CEP120: variants seen among roughly 807,000 people sequenced by gnomAD.
CEP120 encodes centrosomal protein of 120 kDa.
Under a neutral mutation model 126.5 loss-of-function variants are expected in CEP120, and 113 were observed. The ratio of observed to expected loss-of-function variants is 0.89; its 90% CI spans 0.77 to 1.04. The LOEUF (loss-of-function observed/expected upper bound fraction) is 1.04. Ranked by LOEUF, CEP120 falls within the 50% of genes least tolerant of loss-of-function variation. The pLI is 0.00. For synonymous variants in CEP120, 400 were observed against 394.3 expected, an observed-to-expected ratio of 1.01 and a Z score of -0.17; for missense variants, 1,230 against 1,155.7, an observed-to-expected ratio of 1.06 and a Z score of -0.93.
intron 18 of CEP120, among the ~76,000 whole-genome samples, chr5:123,362,918 T>A (rs993514911): frequency 6.6e-6 from 1 of 151,530 alleles, no homozygotes; most frequent in Non-Finnish European, 1.5e-5. Context: ...CTTCCCACCC[T>A]CCAAACAGCT....
intron 4 of CEP120, among the ~76,000 whole-genome samples, chr5:123,409,861 G>A (rs567083512): frequency 2.6e-5 from 4 of 151,822 alleles, no homozygotes; most frequent in African/African-American, 9.7e-5. Context: ...GGAGGCTGAG[G>A]CAGGAGAATC....
At chr5:123,394,914 G>C (rs916820686) in intron 5 of CEP120, among the ~76,000 whole-genome samples, 1 of 152,140 alleles carries the variant, frequency 6.6e-6, no homozygotes, top group South Asian at 2.1e-4. Context: ...CTGTGTGTAT[G>C]CACTTGTTTT....
At chr5:123,389,542 C>T (rs1772249187) in intron 8 of CEP120, among the ~76,000 whole-genome samples, 1 of 152,102 alleles carries the variant, frequency 6.6e-6, no homozygotes, top group Non-Finnish European at 1.5e-5. Context: ...CTCTTGTTGC[C>T]CAGGCTGGAG....
chr5:123,370,286 T>C (rs925125327), intron 17 of CEP120, among the ~76,000 whole-genome samples: 1 of 151,946 alleles, frequency 6.6e-6, no homozygotes, highest in Admixed American at 6.6e-5. Flanking sequence ...TATCTCAACA[T>C]AAGCTTTAAG....
At chr5:123,413,363 G>T (rs745609001) in intron 3 of CEP120, among the ~76,000 whole-genome samples, 1 of 151,976 alleles carries the variant, frequency 6.6e-6, no homozygotes, top group Non-Finnish European at 1.5e-5. Flanking sequence ...AAATACTAAA[G>T]TCAAGGCCTA....
At chr5:123,395,962 GT>G in intron 5 of CEP120, among the ~76,000 whole-genome samples, 1 of 148,600 alleles carries the variant, frequency 6.7e-6, no homozygotes, top group Middle Eastern at 3.5e-3. Context: ...GATTACAGAT[GT>G]GAGCCACTGA....
chr5:123,378,575 A>C (rs1771427433), intron 14 of CEP120, 147 bp from the exon 15 acceptor site: 2 of 486,502 alleles, frequency 4.1e-6, no homozygotes, highest in Admixed American at 4.1e-5. Flanking sequence ...AATTCAAAGA[A>C]AAAAATGTGC....
intron 5 of CEP120, among the ~76,000 whole-genome samples, chr5:123,394,395 G>C (rs748524175): frequency 2.6e-5 from 4 of 152,152 alleles, no homozygotes; most frequent in Non-Finnish European, 4.4e-5. Context: ...TAAGGAGCAC[G>C]CAACCTAGAT....
chr5:123,386,796 T>A, intron 9 of CEP120, 129 bp from the exon 10 acceptor site: 1 of 665,604 alleles, frequency 1.5e-6, no homozygotes, highest in Non-Finnish European at 2.2e-6. Context: ...AATAGAAACA[T>A]GGTAGACATA....
chr5:123,422,551 G>C, intron 1 of CEP120: 1 of 1,535,398 alleles, frequency 6.5e-7, no homozygotes, highest in Non-Finnish European at 8.7e-7. Context: ...ATTGCCTCCG[G>C]AACACTTCTG....
chr5:123,411,200 G>C (rs943255161), intron 4 of CEP120, among the ~76,000 whole-genome samples: 2 of 152,178 alleles, frequency 1.3e-5, no homozygotes, highest in South Asian at 4.1e-4. Context: ...TAAGAATATG[G>C]AGCAACAGAA....
At chr5:123,400,238 C>A (rs1204529890) in intron 4 of CEP120, among the ~76,000 whole-genome samples, 1 of 152,182 alleles carries the variant, frequency 6.6e-6, no homozygotes, top group Non-Finnish European at 1.5e-5. Flanking sequence ...AATCCCAGTT[C>A]TGTCCTTGAC....
In CEP120 at chr5:123,422,326, C is replaced by G. The variant is rs146908105; in HGVS notation, c.49+624G>C. On this transcript the variant is annotated intron_variant, in intron 1 of 19. Transcript: ENST00000306467. ...GTCATTCATTAGGGTCTTCCACATC[C>G]TGATGAATTATTTGCTGACACACTC... is the stretch of plus-strand genomic sequence containing the variant. 454 of 608,908 alleles carry G rather than the reference C, an allele frequency of 7.5e-4. 3 individuals are homozygous for G. In the East Asian group the frequency reaches 0.011, roughly 15 times the overall value. The allele number at this position is 608,908 out of a possible 1,614,324, so 37.7% of individuals were successfully genotyped here. A position where few individuals can be genotyped will look rare whatever the true frequency, so the allele number is the denominator to read the frequency against.
intron 4 of CEP120, chr5:123,401,157 T>C (rs1221251808): frequency 2.7e-5 from 44 of 1,609,770 alleles, no homozygotes; most frequent in Non-Finnish European, 3.6e-5. Flanking sequence ...CTCCTCGCCC[T>C]CCAGCAGCTT....
chr5:123,402,733 A>G (rs1773349243), intron 4 of CEP120, among the ~76,000 whole-genome samples: 1 of 152,240 alleles, frequency 6.6e-6, no homozygotes, highest in Non-Finnish European at 1.5e-5. Flanking sequence ...ATTGATAAAT[A>G]TAAGCAAAAT....
intron 3 of CEP120, among the ~76,000 whole-genome samples, chr5:123,412,837 T>C (rs1774150426): frequency 6.6e-6 from 1 of 152,222 alleles, no homozygotes; most frequent in Non-Finnish European, 1.5e-5. Context: ...TTTCGTCTTA[T>C]ACCCTCAATC....
intron 4 of CEP120, chr5:123,401,528 T>C (rs113524845): frequency 1.5e-6 from 2 of 1,295,188 alleles, no homozygotes. Flanking sequence ...CTGGCTGCGG[T>C]TGGCGATCTC....
intron 3 of CEP120, among the ~76,000 whole-genome samples, chr5:123,412,798 G>A (rs1024512896): frequency 3.0e-4 from 46 of 152,192 alleles, no homozygotes; most frequent in African/African-American, 1.0e-3. Context: ...ATATTAAAAG[G>A]AAGAAAGCAT....
At chr5:123,365,316 C>T (rs559974926) in intron 17 of CEP120, among the ~76,000 whole-genome samples, 2 of 151,738 alleles carry the variant, frequency 1.3e-5, no homozygotes, top group South Asian at 4.1e-4. Context: ...CTGAAGCCAA[C>T]TTGGCTATGT....
Sources: gnomAD v4.1 joint callset for allele counts (sites outside exome capture counted in the v4.1 genomes callset) on GRCh38, gnomAD v4.1.1 for gene constraint, MANE v1.5 for transcripts, NCBI Gene and HGNC (gene_info 2026-07-23, HGNC 2026-07-21) for gene names.